Variants in SLC18A2 observed in about 807,000 individuals in gnomAD.
SLC18A2 encodes synaptic vesicular amine transporter.
A neutral mutation model predicts 59.2 loss-of-function variants in SLC18A2; 33 were observed. The observed-to-expected ratio is 0.56, with a 90% CI of 0.42 to 0.75. The LOEUF (loss-of-function observed/expected upper bound fraction) is 0.75. Among genes scored for constraint, SLC18A2 ranks in the 30% least tolerant of loss-of-function variants. The pLI is 0.00. For synonymous variants in SLC18A2, 228 were observed against 253.5 expected, an observed-to-expected ratio of 0.90 and a Z score of 0.95; for missense variants, 569 against 668.6, an observed-to-expected ratio of 0.85 and a Z score of 1.64.
Position 117,244,236 on chromosome 10 carries a change from G to T in SLC18A2, c.387G>T (p.Val129=). ...ACAAAGACCTCCTGAATGAAAACGT[G>T]CAAGTTGGTCTGTTGTTTGCCTCGA... ...SEDKDLLNEN[V]QVGLLFASKA... is the part of the protein sequence containing the mutation. Residue 129 remains valine (V), a synonymous_variant, in exon 3 of 16, where the codon GTG becomes GTT. Coordinates refer to ENST00000644641, the MANE Select transcript of SLC18A2 (RefSeq NM_003054.6). 1 of 1,614,226 alleles carries T rather than the reference G, an allele frequency of 6.2e-7. No individual in the cohort carries two copies. The highest frequency in any genetic ancestry group is 8.5e-7 in the Non-Finnish European group (1 of 1,180,050).
intron 15 of SLC18A2, among the ~76,000 whole-genome samples, chr10:117,275,471 GAGT>G (rs1844476368): frequency 6.6e-6 from 1 of 152,178 alleles, no homozygotes; most frequent in South Asian, 2.1e-4. Flanking sequence ...AAATATTGGG[GAGT>G]AGTTCACATG....
intron 10 of SLC18A2, among the ~76,000 whole-genome samples, chr10:117,261,731 C>T (rs551446683): frequency 7.2e-5 from 11 of 152,228 alleles, no homozygotes; most frequent in African/African-American, 2.6e-4. Flanking sequence ...TCTCATCGAA[C>T]AATACCTAAA....
chr10:117,260,967 T>C (rs935765137), intron 10 of SLC18A2, among the ~76,000 whole-genome samples: 4 of 152,204 alleles, frequency 2.6e-5, no homozygotes, highest in Non-Finnish European at 5.9e-5. Flanking sequence ...CTATGGGTCG[T>C]GACTGGCAAG....
In SLC18A2 at chr10:117,278,770, A is replaced by G. The variant is rs1029113741; in HGVS notation, c.*1504A>G. ...GAAGCTTTTCTGTGGGGCTTCGATT[A>G]TTTCAAGTCTGGTTTCTAAGTGCAG... On this transcript the variant is annotated 3_prime_UTR_variant, in exon 16 of 16. Coordinates refer to ENST00000644641, the MANE Select transcript of SLC18A2 (RefSeq NM_003054.6). 6.6e-6 allele frequency: 1 copy of G among 152,188 alleles called. No individual in the cohort carries two copies. Among genetic ancestry groups the G allele is most frequent in the Non-Finnish European group, 1.5e-5 (1 of 68,026 alleles). 9.4% of individuals were successfully genotyped at this position (152,188 alleles called of 1,614,324 possible). A position where few individuals can be genotyped will look rare whatever the true frequency, so the allele number is the denominator to read the frequency against.
rs780341285 is a variant in SLC18A2, at chr10:117,254,130, T to G, written c.606T>G (p.Ala202=). ...TCGGCTCGTCCTGCTCCTCTGTGGCTGGTAGGTGTGGAATGCCTGAGTGAG... is the reference window on the plus strand; with the variant it reads ...TCGGCTCGTCCTGCTCCTCTGTGGCGGGTAGGTGTGGAATGCCTGAGTGAG... ...QGIGSSCSSV[A]GMGMLASVYT... The change falls in exon 5 of 16, where the codon GCT becomes GCG. Residue 202 remains alanine, a splice_region_variant and synonymous_variant. Transcript: ENST00000644641. The G allele has an allele frequency of 6.2e-7, 1 of 1,613,240 alleles. No individual in the cohort carries two copies. Among genetic ancestry groups the G allele is most frequent in the Admixed American group, 1.7e-5 (1 of 60,008 alleles).
intron 15 of SLC18A2, among the ~76,000 whole-genome samples, chr10:117,270,768 A>G (rs1399863883): frequency 6.6e-6 from 1 of 152,214 alleles, no homozygotes; most frequent in Non-Finnish European, 1.5e-5. Flanking sequence ...ATGGTTCTTG[A>G]AAATCTTGGA....
chr10:117,274,296 T>A (rs894385712), intron 15 of SLC18A2, among the ~76,000 whole-genome samples: 1 of 152,156 alleles, frequency 6.6e-6, no homozygotes, highest in African/African-American at 2.4e-5. Flanking sequence ...TAAATATGTT[T>A]TTGGTGAATT....
At chr10:117,243,480 C>G (rs1844076751) in intron 2 of SLC18A2, among the ~76,000 whole-genome samples, 1 of 152,192 alleles carries the variant, frequency 6.6e-6, no homozygotes, top group Non-Finnish European at 1.5e-5. Context: ...TGAACTTGCT[C>G]CAATGTCGTT....
chr10:117,241,891 GCGGTCC>G, intron 2 of SLC18A2, 77 bp downstream of exon 2: 4 of 1,402,632 alleles, frequency 2.9e-6, no homozygotes, highest in Non-Finnish European at 2.9e-6. Flanking sequence ...TTACCCCTGC[GCGGTCC>G]CGGAGCTCCG....
chr10:117,270,383 A>T lies in SLC18A2; in HGVS notation c.1360A>T (p.Thr454Ser). 1.2e-6 allele frequency: 2 copies of T among 1,614,092 alleles called. No homozygotes were observed. The highest frequency in any genetic ancestry group is 8.5e-7 in the Non-Finnish European group (1 of 1,179,960). The stretch of plus-strand genomic sequence containing the variant: ...GGCAATTGGATTTCCATGGCTCATG[A>T]CAATTATTGGGATAATTGATATTCT... ...AKAIGFPWLM[T>S]IIGIIDILFA... Residue 454 changes from threonine to serine, a missense_variant, in exon 15 of 16, where the codon ACA (threonine) becomes TCA (serine). Around this residue, in one of 2 missense-constraint regions of SLC18A2, gnomAD observed 192 missense variants for 278.8 expected, o/e 0.69. Coordinates refer to ENST00000644641, the MANE Select transcript of SLC18A2 (RefSeq NM_003054.6).
chr10:117,255,064 ACC>A, intron 6 of SLC18A2, among the ~76,000 whole-genome samples: 1 of 152,270 alleles, frequency 6.6e-6, no homozygotes, highest in Non-Finnish European at 1.5e-5. Context: ...TTTCAGGGTG[ACC>A]TTTATAGACT....
intron 3 of SLC18A2, among the ~76,000 whole-genome samples, chr10:117,252,134 A>ATTTTTTTTTTTT (rs57101171): frequency 6.8e-5 from 3 of 44,348 alleles, no homozygotes; most frequent in South Asian, 1.3e-3. Context: ...CATTTTTTGT[A>ATTTTTTTTTTTT]TTTTTTTTTT....
intron 10 of SLC18A2, among the ~76,000 whole-genome samples, chr10:117,264,137 T>A (rs2133740136): frequency 6.6e-6 from 1 of 152,338 alleles, no homozygotes; most frequent in Admixed American, 6.5e-5. Context: ...GCCAAGGCCG[T>A]GGCTGAAGCC....
chr10:117,266,944 T>C, intron 11 of SLC18A2, 40 bp from the exon 12 acceptor site: 2 of 1,601,166 alleles, frequency 1.2e-6, no homozygotes, highest in South Asian at 1.1e-5. Flanking sequence ...TAGAAAAAAA[T>C]CAAATGATCA....
chr10:117,276,457 C>CA (rs916320164), intron 15 of SLC18A2, among the ~76,000 whole-genome samples: 1 of 150,740 alleles, frequency 6.6e-6, no homozygotes, highest in African/African-American at 2.4e-5. Context: ...ACTAGAAATA[C>CA]AAAAAAAGTA....
rs770361650 is a variant in SLC18A2, at chr10:117,257,905, G to A, written c.991+13G>A. ...AAGTGGCAGCTGGGTAAGGACTGGG[G>A]TGGGCTCTTCTGATTCAAGAGCATT... is the stretch of plus-strand genomic sequence containing the variant. On this transcript the variant is annotated intron_variant, in intron 10 of 15. Transcript: ENST00000644641. 3.8e-6 allele frequency: 6 copies of A among 1,585,016 alleles called. No homozygotes were observed. Among genetic ancestry groups the A allele is most frequent in the Non-Finnish European group, 5.2e-6 (6 of 1,159,064 alleles).
Position 117,270,305 on chromosome 10 carries a change from TATCTA to T in SLC18A2, c.1307-22_1307-18del, listed in dbSNP as rs757767217. 5.7e-5 allele frequency: 92 copies of T among 1,613,964 alleles called. No individual in the cohort carries two copies. Among genetic ancestry groups the T allele is most frequent in the Non-Finnish European group, 7.2e-5 (85 of 1,180,022 alleles). The stretch of plus-strand genomic sequence containing the variant: ...GTCTACAAGACATTTGGAAGAGCTT[TATCTA>T]ATTCTCTGTTTCCTGAAAGGTCCTT... On this transcript the variant is annotated intron_variant, in intron 14 of 15. Transcript: ENST00000644641.
chr10:117,274,794 T>G (rs1281985866), intron 15 of SLC18A2, among the ~76,000 whole-genome samples: 1 of 152,198 alleles, frequency 6.6e-6, no homozygotes, highest in Non-Finnish European at 1.5e-5. Flanking sequence ...GCACTCCACC[T>G]GGGACCCTGG....
intron 1 of SLC18A2, 116 bp from the exon 2 acceptor site, chr10:117,241,563 G>C: frequency 8.6e-7 from 1 of 1,158,704 alleles, no homozygotes; most frequent in South Asian, 1.8e-5. Flanking sequence ...GGCGCCCGGG[G>C]GTGTCCCCGG....
Sources: gnomAD v4.1 joint callset for allele counts (sites outside exome capture counted in the v4.1 genomes callset) on GRCh38, gnomAD v4.1.1 for gene constraint, gnomAD v4.1.1 regional missense constraint, MANE v1.5 for transcripts, NCBI Gene and HGNC (gene_info 2026-07-23, HGNC 2026-07-21) for gene names.